Variants in RBFOX1 observed in about 807,000 individuals in gnomAD.
RBFOX1 encodes the protein RNA binding fox-1 homolog 1.
A neutral mutation model predicts 57.7 loss-of-function variants in RBFOX1; 8 were observed. That is an observed-to-expected ratio of 0.14 (90% CI 0.08 to 0.25). RBFOX1 has a LOEUF of 0.25. Ranked by LOEUF, RBFOX1 falls within the 10% of genes least tolerant of loss-of-function variation. The probability of loss-of-function intolerance (pLI) is 1.00; values close to 1 mark genes in which losing one functional copy is unlikely to be tolerated. For synonymous variants in RBFOX1, 326 were observed against 222.4 expected (o/e 1.47, Z -4.15); for missense variants, 611 against 548.5 (o/e 1.11, Z -1.14).
chr16:6,471,408 C>G (rs1290578726), intron 2 of RBFOX1, among the ~76,000 whole-genome samples: 1 of 152,200 alleles, frequency 6.6e-6, no homozygotes, highest in South Asian at 2.1e-4. Flanking sequence ...TATTATAATA[C>G]TTGTTTGTTA....
In RBFOX1 at chr16:6,468,169, A is replaced by G. The variant is rs375116480; in HGVS notation, c.-64+151112A>G. Among the ~76,000 whole-genome samples, 6 of 152,324 alleles carry G rather than the reference A, an allele frequency of 3.9e-5. No individual in the cohort carries two copies. In the South Asian group the frequency reaches 1.2e-3, roughly 32 times the overall value. On this transcript the variant is annotated intron_variant, in intron 2 of 15. Coordinates refer to ENST00000550418, the MANE Select transcript of RBFOX1 (RefSeq NM_018723.4). The stretch of plus-strand genomic sequence containing the variant: ...GGGATAGAATTCTAACACCTCCAGT[A>G]TAATGGCAGGAGGAGGAATGGTTAG...
intron 1 of RBFOX1, among the ~76,000 whole-genome samples, chr16:6,111,346 G>A (rs2096444571): frequency 6.6e-6 from 1 of 152,088 alleles, no homozygotes; most frequent in African/African-American, 2.4e-5. Context: ...CTAGTTTTAT[G>A]GTGAACTGGG....
intron 1 of RBFOX1, among the ~76,000 whole-genome samples, chr16:5,339,294 A>T (rs1007863407): frequency 1.3e-5 from 2 of 151,972 alleles, no homozygotes; most frequent in Non-Finnish European, 2.9e-5. Context: ...GCTTGGTTGC[A>T]TGAGATATGA....
In RBFOX1 at chr16:5,971,542, TG is replaced by T. The variant is rs556909564; in HGVS notation, c.351+104211del. 5.0e-3 allele frequency among the ~76,000 whole-genome samples: 757 copies of T among 152,322 alleles called. 6 individuals carry two copies. Among genetic ancestry groups the T allele is most frequent in the African/African-American group, 0.017 (725 of 41,568 alleles). ...ATTGTGTTTAAGGAAAGCAAATAAT[TG>T]GGGCAGCATCATAAGTTAAAATCCT... On this transcript the variant is annotated intron_variant, in intron 4 of 19. Coordinates refer to the RBFOX1 transcript ENST00000641259.
chr16:5,766,047 C>T (rs8062787), intron 3 of RBFOX1, among the ~76,000 whole-genome samples: 22,404 of 152,038 alleles, frequency 0.15, 2,014 homozygotes, highest in African/African-American at 0.24. Context: ...GTAGTGTGCA[C>T]GTCATGGAGC....
At chr16:6,558,107 C>G (rs1370687432) in intron 2 of RBFOX1, among the ~76,000 whole-genome samples, 1 of 152,104 alleles carries the variant, frequency 6.6e-6, no homozygotes, top group African/African-American at 2.4e-5. Context: ...TTATTATGTA[C>G]TCCAAATCAG....
chr16:7,370,983 T>C (rs935349381), intron 4 of RBFOX1, among the ~76,000 whole-genome samples: 48 of 152,338 alleles, frequency 3.2e-4, no homozygotes, highest in African/African-American at 1.1e-3. Flanking sequence ...CAGGAAATTG[T>C]AGCATCAGCA....
chr16:6,697,979 G>C (rs760817466), intron 3 of RBFOX1, among the ~76,000 whole-genome samples: 4 of 152,180 alleles, frequency 2.6e-5, no homozygotes, highest in Admixed American at 2.6e-4. Context: ...TCTATGGTAT[G>C]TACTTATGTC....
At chr16:7,297,706 T>A (rs557416227) in intron 4 of RBFOX1, among the ~76,000 whole-genome samples, 1 of 152,308 alleles carries the variant, frequency 6.6e-6, no homozygotes, top group East Asian at 1.9e-4. Context: ...GTAGTAGTTG[T>A]AGTAGCAATG....
chr16:6,529,107 T>C (rs1402186306), intron 2 of RBFOX1, among the ~76,000 whole-genome samples: 3 of 152,162 alleles, frequency 2.0e-5, no homozygotes, highest in Admixed American at 2.0e-4. Flanking sequence ...GCCACCTTGT[T>C]ATACTCCGAA....
At chr16:6,212,266 A>C (rs1165271656) in intron 1 of RBFOX1, among the ~76,000 whole-genome samples, 1 of 152,238 alleles carries the variant, frequency 6.6e-6, no homozygotes, top group Non-Finnish European at 1.5e-5. Context: ...TATATATACT[A>C]TGATTACTTT....
chr16:6,438,654 G>A (rs1003180166), intron 2 of RBFOX1, among the ~76,000 whole-genome samples: 1 of 152,110 alleles, frequency 6.6e-6, no homozygotes, highest in Non-Finnish European at 1.5e-5. Context: ...GTTGGGGTTG[G>A]CGTTGTTTGG....
At chr16:6,333,186 T>C (rs2083247765) in intron 2 of RBFOX1, among the ~76,000 whole-genome samples, 1 of 152,104 alleles carries the variant, frequency 6.6e-6, no homozygotes, top group African/African-American at 2.4e-5. Flanking sequence ...ACTACAGTCA[T>C]GTGCCACCAT....
At chr16:6,253,398 C>G (rs912875170) in intron 1 of RBFOX1, among the ~76,000 whole-genome samples, 4 of 152,166 alleles carry the variant, frequency 2.6e-5, no homozygotes, top group Non-Finnish European at 5.9e-5. Flanking sequence ...GGGGAACTCA[C>G]AGCAAACCTT....
At chr16:6,946,290 G>T (rs2079502735) in intron 3 of RBFOX1, among the ~76,000 whole-genome samples, 1 of 152,180 alleles carries the variant, frequency 6.6e-6, no homozygotes, top group East Asian at 1.9e-4. Flanking sequence ...ATAACATATG[G>T]GTGTGGCTGT....
chr16:6,239,872 G>A (rs913360796), intron 1 of RBFOX1, among the ~76,000 whole-genome samples: 7 of 152,106 alleles, frequency 4.6e-5, no homozygotes, highest in Non-Finnish European at 8.8e-5. Context: ...AAATAGGTAC[G>A]TGAGTGTCTG....
intron 3 of RBFOX1, among the ~76,000 whole-genome samples, chr16:5,856,151 T>TTCTCTCTCTCTC (rs35841072): frequency 2.2e-4 from 9 of 40,418 alleles, no homozygotes; most frequent in African/African-American, 5.9e-4. Context: ...GTCTTTATGG[T>TTCTCTCTCTCTC]TCTCTCTCTC....
intron 3 of RBFOX1, among the ~76,000 whole-genome samples, chr16:7,033,506 G>A (rs1335608651): frequency 6.6e-6 from 1 of 152,112 alleles, no homozygotes; most frequent in Non-Finnish European, 1.5e-5. Context: ...GGGGATAGAG[G>A]GAGACTCAGT....
At chr16:6,897,668 C>G (rs1453839724) in intron 3 of RBFOX1, among the ~76,000 whole-genome samples, 5 of 151,788 alleles carry the variant, frequency 3.3e-5, no homozygotes, top group African/African-American at 4.8e-5. Context: ...TGGCACGTGT[C>G]TGTAATCACA....
Sources: gnomAD v4.1 joint callset for allele counts (sites outside exome capture counted in the v4.1 genomes callset) on GRCh38, gnomAD v4.1.1 for gene constraint, MANE v1.5 for transcripts, NCBI Gene and HGNC (gene_info 2026-07-23, HGNC 2026-07-21) for gene names.